Variants in ZNF79 observed in about 807,000 individuals in gnomAD.
ZNF79 encodes the protein ZNFpT7.
A neutral mutation model predicts 14.9 loss-of-function variants in ZNF79; 13 were observed. That is an observed-to-expected ratio of 0.87 (90% CI 0.57 to 1.38). The LOEUF (loss-of-function observed/expected upper bound fraction) is 1.38, where lower values mean the gene tolerates loss of function less well. ZNF79 is among the 40% of genes most tolerant of loss of function. The pLI is 0.00. For missense variants in ZNF79, 631 were observed against 630.6 expected, an observed-to-expected ratio of 1.00 and a Z score of -0.01; for synonymous variants, 223 against 235.1, an observed-to-expected ratio of 0.95 and a Z score of 0.47.
At chr9:127,437,332 C>G (rs1232936830) in intron 4 of ZNF79, among the ~76,000 whole-genome samples, 1 of 124,836 alleles carries the variant, frequency 8.0e-6, no homozygotes. Flanking sequence ...GCTTCCTTCT[C>G]TCAAGGCCCC....
chr9:127,431,672 G>C (rs1024362351), intron 2 of ZNF79, among the ~76,000 whole-genome samples: 1 of 152,172 alleles, frequency 6.6e-6, no homozygotes, highest in African/African-American at 2.4e-5. Context: ...AGGTCAAGAA[G>C]GGTATTTCCT....
chr9:127,443,949 G>A (rs902724901), intron 4 of ZNF79, 80 bp from the exon 5 acceptor site: 26 of 1,090,814 alleles, frequency 2.4e-5, no homozygotes, highest in Non-Finnish European at 3.2e-5. Flanking sequence ...ACCTGTGTGT[G>A]TAAGAGCTTG....
At chr9:127,426,775 T>C (rs914746577) in intron 1 of ZNF79, among the ~76,000 whole-genome samples, 1 of 152,172 alleles carries the variant, frequency 6.6e-6, no homozygotes, top group South Asian at 2.1e-4. Context: ...TTCAGTGAAT[T>C]TTTGTGTGTG....
At chr9:127,435,024 G>A (rs1298255032) in intron 2 of ZNF79, 66 bp from the exon 3 acceptor site, 10 of 1,503,898 alleles carry the variant, frequency 6.6e-6, no homozygotes, top group Admixed American at 2.3e-5. Flanking sequence ...AACTGCCAAC[G>A]TTAACCACCC....
intron 1 of ZNF79, among the ~76,000 whole-genome samples, chr9:127,426,371 A>G (rs1212357461): frequency 1.3e-4 from 17 of 126,762 alleles, no homozygotes; most frequent in African/African-American, 4.4e-4. Flanking sequence ...ATAATATGTG[A>G]CTTTTTTTTT....
intron 4 of ZNF79, among the ~76,000 whole-genome samples, chr9:127,437,489 G>T (rs1228763759): frequency 6.6e-6 from 1 of 151,870 alleles, no homozygotes; most frequent in Non-Finnish European, 1.5e-5. Flanking sequence ...TAGTCTCAGA[G>T]GGGTTCAAGA....
In ZNF79 at chr9:127,424,472, ATTG is replaced by A; in HGVS notation, c.-312_-310del. 2.7e-6 allele frequency: 1 copy of A among 364,532 alleles called. No individual in the cohort carries two copies. Among genetic ancestry groups the A allele is most frequent in the Non-Finnish European group, 5.2e-6 (1 of 193,738 alleles). 22.6% of individuals were successfully genotyped at this position (364,532 alleles called of 1,614,324 possible). On this transcript the variant is annotated 5_prime_UTR_variant, in exon 1 of 5. Transcript: ENST00000342483. ...CTTGAGCTCTCGCGGTTGCCGGTAGATTGTTGCCAGTTGCCAGTTGCCAGTCGT... is the reference window on the plus strand; with the variant it reads ...CTTGAGCTCTCGCGGTTGCCGGTAGATTGCCAGTTGCCAGTTGCCAGTCGT...
chr9:127,441,439 T>G (rs929974856), intron 4 of ZNF79, among the ~76,000 whole-genome samples: 1 of 152,164 alleles, frequency 6.6e-6, no homozygotes, highest in African/African-American at 2.4e-5. Flanking sequence ...ATTACACAAT[T>G]TTCCCAAAGT....
chr9:127,432,545 A>G (rs202142167), intron 2 of ZNF79, among the ~76,000 whole-genome samples: 3 of 111,932 alleles, frequency 2.7e-5, no homozygotes, highest in Admixed American at 9.2e-5. Context: ...TTTTTTTTTT[A>G]GGTATTCTAA....
At chr9:127,443,417 A>G (rs7028595) in intron 4 of ZNF79, among the ~76,000 whole-genome samples, 7,267 of 152,234 alleles carry the variant, frequency 0.048, 589 homozygotes, top group African/African-American at 0.17. Context: ...AATTAAAAAT[A>G]TATATTAAGT....
At chr9:127,436,603 C>T (rs1210067980) in intron 4 of ZNF79, among the ~76,000 whole-genome samples, 1 of 152,238 alleles carries the variant, frequency 6.6e-6, no homozygotes, top group Non-Finnish European at 1.5e-5. Flanking sequence ...GCTGCTCTCT[C>T]CCCTAATCTC....
intron 1 of ZNF79, among the ~76,000 whole-genome samples, chr9:127,427,441 A>G (rs1833779470): frequency 1.3e-5 from 2 of 151,336 alleles, no homozygotes; most frequent in East Asian, 1.9e-4. Flanking sequence ...AAAAAAACAC[A>G]AAACATACAC....
chr9:127,444,019 T>A lies in ZNF79; in HGVS notation c.329-10T>A. 1.9e-6 allele frequency: 3 copies of A among 1,570,450 alleles called. No individual in the cohort carries two copies. The highest frequency in any genetic ancestry group is 2.6e-6 in the Non-Finnish European group (3 of 1,158,694). ...CAAGGGAACACAACAGCTTTTCATT[T>A]TTTTTTCAGGCTGGAAGATTATATC... On this transcript the variant is annotated splice_polypyrimidine_tract_variant and intron_variant, in intron 4 of 4. Coordinates refer to ENST00000342483, the MANE Select transcript of ZNF79 (RefSeq NM_007135.3).
At chr9:127,428,957 T>G in intron 2 of ZNF79, 37 bp downstream of exon 2, 1 of 1,428,278 alleles carries the variant, frequency 7.0e-7, no homozygotes, top group Non-Finnish European at 9.6e-7. Context: ...CATCCTTTTC[T>G]TCCCCCCTAA....
chr9:127,433,345 T>A (rs1833893375), intron 2 of ZNF79, among the ~76,000 whole-genome samples: 1 of 152,166 alleles, frequency 6.6e-6, no homozygotes, highest in South Asian at 2.1e-4. Flanking sequence ...CTTGGCCAGC[T>A]AGGTGAACAG....
At chr9:127,425,375 G>T (rs887052454) in intron 1 of ZNF79, among the ~76,000 whole-genome samples, 11 of 152,162 alleles carry the variant, frequency 7.2e-5, no homozygotes, top group African/African-American at 2.7e-4. Flanking sequence ...TCTGAGAATT[G>T]TAATTCTCAA....
chr9:127,441,980 G>A (rs1834057181), intron 4 of ZNF79, among the ~76,000 whole-genome samples: 1 of 152,104 alleles, frequency 6.6e-6, no homozygotes, highest in Non-Finnish European at 1.5e-5. Flanking sequence ...AGCCGGGTGT[G>A]GTGGCGCATG....
At chr9:127,429,327 T>TA (rs988280145) in intron 2 of ZNF79, among the ~76,000 whole-genome samples, 1 of 146,610 alleles carries the variant, frequency 6.8e-6, no homozygotes, top group African/African-American at 2.5e-5. Context: ...GTTTTATTAT[T>TA]TTTTTTTTTT....
rs1834107992 is a variant in ZNF79, at chr9:127,444,231, G to A, written c.531G>A (p.Glu177=). 1 of 1,613,992 alleles carries A rather than the reference G, an allele frequency of 6.2e-7. No homozygotes were observed. Among genetic ancestry groups the A allele is most frequent in the South Asian group, 1.1e-5 (1 of 91,090 alleles). Residue 177 remains glutamate, a synonymous_variant, in exon 5 of 5, where the codon GAG becomes GAA. Coordinates refer to ENST00000342483, the MANE Select transcript of ZNF79 (RefSeq NM_007135.3). ...CTCGCAAATGTGAGACACACACCGAGAGCTTCAAGAACTCGGAAATCCTGA... is the reference window on the plus strand; with the variant it reads ...CTCGCAAATGTGAGACACACACCGAAAGCTTCAAGAACTCGGAAATCCTGA... The part of the protein sequence containing the change: ...ARPRKCETHT[E]SFKNSEILKP...
Sources: gnomAD v4.1 joint callset for allele counts (sites outside exome capture counted in the v4.1 genomes callset) on GRCh38, gnomAD v4.1.1 for gene constraint, MANE v1.5 for transcripts, NCBI Gene and HGNC (gene_info 2026-07-23, HGNC 2026-07-21) for gene names.